Variants in DOCK3 observed in about 807,000 individuals in gnomAD.
The protein encoded by DOCK3 is dedicator of cytokinesis protein 3.
Under a neutral mutation model 265.6 loss-of-function variants are expected in DOCK3, and 60 were observed. That is an observed-to-expected ratio of 0.23 (90% confidence interval 0.18 to 0.28). The LOEUF (loss-of-function observed/expected upper bound fraction) is 0.28. Among genes scored for constraint, DOCK3 ranks in the 10% least tolerant of loss-of-function variants. The probability of loss-of-function intolerance (pLI) is 1.00; values close to 1 mark genes in which losing one functional copy is unlikely to be tolerated. For missense variants in DOCK3, 1,981 were observed against 2,594.3 expected (o/e 0.76, Z 5.14); for synonymous variants, 881 against 938.0 (o/e 0.94, Z 1.11).
chr3:50,980,184 T>G (rs192635579), intron 5 of DOCK3, among the ~76,000 whole-genome samples: 1 of 152,328 alleles, frequency 6.6e-6, no homozygotes, highest in East Asian at 1.9e-4. Context: ...TGAATTTTAT[T>G]AAATGCTTTT....
intron 1 of DOCK3, among the ~76,000 whole-genome samples, chr3:50,702,776 T>C (rs766697513): frequency 6.6e-6 from 1 of 152,086 alleles, no homozygotes; most frequent in African/African-American, 2.4e-5. Flanking sequence ...GTGTATAAGA[T>C]CATACTGTTT....
Position 51,361,615 on chromosome 3 carries a change from T to C in DOCK3, c.5007-244T>C, listed in dbSNP as rs2086737671. Among the ~76,000 whole-genome samples, 1 of 152,164 alleles carries C rather than the reference T, an allele frequency of 6.6e-6. No individual in the cohort carries two copies. Among genetic ancestry groups the C allele is most frequent in the African/African-American group, 2.4e-5 (1 of 41,434 alleles). On this transcript the variant is annotated intron_variant, in intron 47 of 52. Transcript: ENST00000266037. The surrounding 1 kb of genome is among the most constrained non-coding windows in gnomAD (Gnocchi z 4.2). Reference sequence around the variant, plus strand: ...TGCAACTGAGTGGCCATAAGCCATGTAGCTGTAGGTAGAGGCTTGTCCAGT... The same window carrying C: ...TGCAACTGAGTGGCCATAAGCCATGCAGCTGTAGGTAGAGGCTTGTCCAGT...
intron 19 of DOCK3, among the ~76,000 whole-genome samples, chr3:51,230,730 T>C (rs1263412832): frequency 6.6e-6 from 1 of 152,170 alleles, no homozygotes; most frequent in East Asian, 1.9e-4. Context: ...TTGGCCAGGA[T>C]GGTCTCGATC....
At chr3:51,240,679 TA>T (rs1400115963) in intron 21 of DOCK3, among the ~76,000 whole-genome samples, 1 of 152,244 alleles carries the variant, frequency 6.6e-6, no homozygotes, top group Non-Finnish European at 1.5e-5. Flanking sequence ...CAACATTATG[TA>T]ATACCCTTCT....
At chr3:51,059,072 A>G (rs1041094509) in intron 5 of DOCK3, among the ~76,000 whole-genome samples, 4 of 152,070 alleles carry the variant, frequency 2.6e-5, no homozygotes, top group Non-Finnish European at 5.9e-5. Flanking sequence ...CAACCCTTGT[A>G]CTTCACCCTG....
chr3:51,360,253 C>A (rs1388905552), intron 46 of DOCK3, among the ~76,000 whole-genome samples: 5 of 152,212 alleles, frequency 3.3e-5, no homozygotes, highest in Admixed American at 1.3e-4. Context: ...TCAGTTTATT[C>A]CAGATGTGCT....
At chr3:50,951,977 C>T (rs1020444113) in intron 5 of DOCK3, among the ~76,000 whole-genome samples, 1 of 152,156 alleles carries the variant, frequency 6.6e-6, no homozygotes, top group Non-Finnish European at 1.5e-5. Context: ...TATTAGGCTT[C>T]TTTTAAGCAC....
intron 2 of DOCK3, among the ~76,000 whole-genome samples, chr3:50,840,559 C>T (rs990527551): frequency 1.3e-5 from 2 of 152,212 alleles, no homozygotes; most frequent in African/African-American, 4.8e-5. Flanking sequence ...CTATTCAGTT[C>T]TCTGTTTGCC....
chr3:50,724,859 G>A (rs909435617), intron 1 of DOCK3, among the ~76,000 whole-genome samples: 2 of 152,088 alleles, frequency 1.3e-5, no homozygotes, highest in Non-Finnish European at 2.9e-5. Flanking sequence ...TGGGCATGGT[G>A]GCACACACTT....
chr3:51,267,865 A>G (rs903881991), intron 23 of DOCK3, among the ~76,000 whole-genome samples: 2 of 152,234 alleles, frequency 1.3e-5, no homozygotes, highest in South Asian at 2.1e-4. Flanking sequence ...GCTGGAAACC[A>G]TCATTCTCAG....
intron 2 of DOCK3, among the ~76,000 whole-genome samples, chr3:50,821,918 A>G (rs2044460006): frequency 6.6e-6 from 1 of 152,150 alleles, no homozygotes; most frequent in Non-Finnish European, 1.5e-5. Context: ...CTGTAGCCTA[A>G]TAGTATGAAG....
At chr3:50,782,652 A>G (rs1050757658) in intron 2 of DOCK3, among the ~76,000 whole-genome samples, 2 of 150,972 alleles carry the variant, frequency 1.3e-5, no homozygotes, top group Non-Finnish European at 2.9e-5. Flanking sequence ...TTTTATTTCA[A>G]TAGGGTTTTT....
chr3:50,795,345 C>G (rs1434097736), intron 2 of DOCK3, among the ~76,000 whole-genome samples: 2 of 152,162 alleles, frequency 1.3e-5, no homozygotes, highest in Non-Finnish European at 2.9e-5. Flanking sequence ...TACACACTCC[C>G]TGTCTCTTTC....
At chr3:50,787,118 CTA>C (rs1205177819) in intron 2 of DOCK3, 10 of 700,636 alleles carry the variant, frequency 1.4e-5, no homozygotes, top group African/African-American at 3.5e-5. Context: ...AGGCAACAAA[CTA>C]AATGTTTTTT....
chr3:50,850,456 A>G (rs1352229371), intron 3 of DOCK3, among the ~76,000 whole-genome samples: 1 of 151,264 alleles, frequency 6.6e-6, no homozygotes, highest in Non-Finnish European at 1.5e-5. Flanking sequence ...TTTATCTGTC[A>G]TTTCTGAGGA....
At chr3:50,698,776 GTC>G (rs2035838461) in intron 1 of DOCK3, among the ~76,000 whole-genome samples, 1 of 151,792 alleles carries the variant, frequency 6.6e-6, no homozygotes, top group African/African-American at 2.4e-5. Context: ...ATGATGTTGA[GTC>G]TCTTTTTGTG....
intron 9 of DOCK3, among the ~76,000 whole-genome samples, chr3:51,129,035 C>T (rs1209021253): frequency 6.6e-6 from 1 of 152,206 alleles, no homozygotes; most frequent in Non-Finnish European, 1.5e-5. Flanking sequence ...CAGAGAGGTC[C>T]ATCCACATAC....
Position 50,889,066 on chromosome 3 carries a change from G to GGGGTGT in DOCK3, c.163-959_163-958insGGTGTG, listed in dbSNP as rs869046567. Reference sequence around the variant, plus strand: ...GAGTATAAAATATATTTAAGCCATGGGTGTGTGTGTGTGTGTGTGTGTGTG... The same window carrying GGGGTGT: ...GAGTATAAAATATATTTAAGCCATGGGGGTGTGTGTGTGTGTGTGTGTGTGTGTGTG... On this transcript the variant is annotated intron_variant, in intron 3 of 52. Coordinates refer to ENST00000266037, the MANE Select transcript of DOCK3 (RefSeq NM_004947.5). Among the ~76,000 whole-genome samples, 518 of 134,258 alleles carry GGGGTGT rather than the reference G, an allele frequency of 3.9e-3. 7 individuals are homozygous for GGGGTGT. Among genetic ancestry groups the GGGGTGT allele is most frequent in the African/African-American group, 0.013 (457 of 36,214 alleles). The allele number at this position is 134,258 out of a possible 152,430, so 88.1% of individuals were successfully genotyped here.
chr3:51,375,710 T>C, intron 50 of DOCK3, 38 bp from the exon 51 acceptor site: 1 of 1,612,204 alleles, frequency 6.2e-7, no homozygotes. Flanking sequence ...TATAATTGGT[T>C]GTTTTCACTC....
Sources: gnomAD v4.1 joint callset for allele counts (sites outside exome capture counted in the v4.1 genomes callset) on GRCh38, gnomAD v4.1.1 for gene constraint, Gnocchi (gnomAD v3.1) non-coding constraint, MANE v1.5 for transcripts, NCBI Gene and HGNC (gene_info 2026-07-23, HGNC 2026-07-21) for gene names.